Variants in LIMCH1 observed in about 807,000 individuals in gnomAD.
The protein encoded by LIMCH1 is LIM and calponin homology domains-containing protein 1.
In LIMCH1, 113 loss-of-function variants were observed where a neutral mutation model predicts 176.5. The ratio of observed to expected loss-of-function variants is 0.64; its 90% CI spans 0.55 to 0.75. The LOEUF (loss-of-function observed/expected upper bound fraction) is 0.75. Ranked by LOEUF, LIMCH1 falls within the 30% of genes least tolerant of loss-of-function variation. The pLI is 0.00. For missense variants in LIMCH1, 1,674 were observed against 1,814.9 expected (o/e 0.92, Z 1.41); for synonymous variants, 619 against 645.9 (o/e 0.96, Z 0.63).
At chr4:41,667,603 A>G (rs2152998358) in intron 21 of LIMCH1, among the ~76,000 whole-genome samples, 1 of 152,254 alleles carries the variant, frequency 6.6e-6, no homozygotes, top group African/African-American at 2.4e-5. Flanking sequence ...ACCACTGAAA[A>G]TTCCCCAAGT....
intron 3 of LIMCH1, among the ~76,000 whole-genome samples, chr4:41,527,479 G>A (rs186059532): frequency 1.2e-4 from 18 of 152,218 alleles, no homozygotes; most frequent in African/African-American, 4.3e-4. Context: ...CCACATTAAG[G>A]GACATACTGC....
intron 1 of LIMCH1, among the ~76,000 whole-genome samples, chr4:41,597,399 C>G (rs768267442): frequency 5.3e-5 from 8 of 152,186 alleles, no homozygotes; most frequent in African/African-American, 9.6e-5. Context: ...GAAAGGTTAG[C>G]AACTTATTGC....
chr4:41,478,205 G>T (rs11931854), intron 1 of LIMCH1, among the ~76,000 whole-genome samples: 60,027 of 152,068 alleles, frequency 0.39, 14,705 homozygotes, highest in African/African-American at 0.69. Flanking sequence ...GCTAATTATT[G>T]AAGGTGAACA....
intron 1 of LIMCH1, among the ~76,000 whole-genome samples, chr4:41,460,535 G>T (rs1354080304): frequency 6.9e-6 from 1 of 145,690 alleles, no homozygotes; most frequent in African/African-American, 2.6e-5. Flanking sequence ...TTTTTAAGTT[G>T]TTTGTCAGTT....
At chr4:41,385,039 T>A (rs1306615526) in intron 1 of LIMCH1, among the ~76,000 whole-genome samples, 1 of 152,202 alleles carries the variant, frequency 6.6e-6, no homozygotes, top group Non-Finnish European at 1.5e-5. Flanking sequence ...CATTTAAAAA[T>A]TGTATATTTA....
intron 1 of LIMCH1, among the ~76,000 whole-genome samples, chr4:41,577,984 C>T (rs958581979): frequency 7.9e-5 from 12 of 152,110 alleles, no homozygotes; most frequent in Non-Finnish European, 1.5e-4. Flanking sequence ...TTGTGAATGT[C>T]CATTTGTATT....
At chr4:41,515,197 G>T (rs978951026) in intron 2 of LIMCH1, among the ~76,000 whole-genome samples, 1 of 152,232 alleles carries the variant, frequency 6.6e-6, no homozygotes, top group Non-Finnish European at 1.5e-5. Context: ...AGAAAGCAGG[G>T]CTGGAGCCAG....
Position 41,650,468 on chromosome 4 carries a change from G to T in LIMCH1, c.2896G>T (p.Ala966Ser). Residue 966 changes from alanine to serine, a missense_variant, in exon 18 of 32, where the codon GCA becomes TCA. Around this residue, in one of 3 missense-constraint regions of LIMCH1, gnomAD observed 1,015 missense variants for 1,102.5 expected, o/e 0.92. Transcript: ENST00000503057. ...EEKERECPTV[A>S]PAHSLTKSQM... ...GAAGGAAAGAGAGTGTCCCACGGTG[G>T]CACCTGCCCACTCCTTAACCAAATC... is the stretch of plus-strand genomic sequence containing the variant. 1 of 1,614,000 alleles carries T rather than the reference G, an allele frequency of 6.2e-7. No individual in the cohort carries two copies. The highest frequency in any genetic ancestry group is 8.5e-7 in the Non-Finnish European group (1 of 1,179,942).
At chr4:41,546,356 C>G (rs2079393268) in intron 1 of LIMCH1, among the ~76,000 whole-genome samples, 1 of 152,054 alleles carries the variant, frequency 6.6e-6, no homozygotes, top group Non-Finnish European at 1.5e-5. Context: ...CCAGGCTGGT[C>G]TCGAATTCCT....
intron 17 of LIMCH1, among the ~76,000 whole-genome samples, chr4:41,647,951 G>A (rs1162568526): frequency 6.6e-6 from 1 of 152,182 alleles, no homozygotes; most frequent in Non-Finnish European, 1.5e-5. Flanking sequence ...CTGAGAGCCT[G>A]GCACAGGTGC....
chr4:41,478,677 T>C (rs2068102847), intron 1 of LIMCH1, among the ~76,000 whole-genome samples: 1 of 152,226 alleles, frequency 6.6e-6, no homozygotes, highest in Non-Finnish European at 1.5e-5. Context: ...TGGCAGAGCC[T>C]CTAGTTCTAG....
chr4:41,375,620 A>C (rs1479859105), intron 1 of LIMCH1, among the ~76,000 whole-genome samples: 2 of 152,202 alleles, frequency 1.3e-5, no homozygotes, highest in Non-Finnish European at 2.9e-5. Context: ...AAATAGCAAA[A>C]CCATGCAGTT....
At chr4:41,374,385 C>T (rs2154099011) in intron 1 of LIMCH1, among the ~76,000 whole-genome samples, 1 of 152,276 alleles carries the variant, frequency 6.6e-6, no homozygotes, top group African/African-American at 2.4e-5. Context: ...CCAAACCCCA[C>T]ATTCTAATGC....
intron 1 of LIMCH1, among the ~76,000 whole-genome samples, chr4:41,418,441 A>G (rs2060129354): frequency 6.6e-6 from 1 of 152,210 alleles, no homozygotes; most frequent in Non-Finnish European, 1.5e-5. Context: ...GTACAGGACT[A>G]TAAAAAAGTC....
intron 7 of LIMCH1, among the ~76,000 whole-genome samples, chr4:41,623,604 C>CA (rs2152834870): frequency 6.6e-6 from 1 of 151,904 alleles, no homozygotes; most frequent in East Asian, 1.9e-4. Context: ...CTAAAAGTAC[C>CA]AAAAAAATTA....
intron 18 of LIMCH1, among the ~76,000 whole-genome samples, chr4:41,660,069 ACTAT>A (rs1013080625): frequency 6.6e-6 from 1 of 152,112 alleles, no homozygotes; most frequent in Non-Finnish European, 1.5e-5. Flanking sequence ...GTATTTTCTT[ACTAT>A]CTTTTTTTCT....
At chr4:41,374,066 T>C (rs1219737984) in intron 1 of LIMCH1, among the ~76,000 whole-genome samples, 1 of 152,098 alleles carries the variant, frequency 6.6e-6, no homozygotes, top group East Asian at 1.9e-4. Flanking sequence ...AATTAAACCT[T>C]TTTTCTTTAT....
chr4:41,499,117 G>T (rs1374888188), intron 2 of LIMCH1, among the ~76,000 whole-genome samples: 1 of 152,142 alleles, frequency 6.6e-6, no homozygotes, highest in African/African-American at 2.4e-5. Context: ...TGCTATTTGG[G>T]TAAATTAAAT....
At chr4:41,505,149 C>G (rs550847545) in intron 2 of LIMCH1, among the ~76,000 whole-genome samples, 12 of 152,160 alleles carry the variant, frequency 7.9e-5, no homozygotes, top group Non-Finnish European at 1.5e-4. Flanking sequence ...GTCTATGTAA[C>G]AGAGAAATTA....
Sources: allele counts gnomAD v4.1 joint callset (sites outside exome capture counted in the v4.1 genomes callset), GRCh38; gene constraint gnomAD v4.1.1; regional missense constraint gnomAD v4.1.1; transcripts MANE v1.5; gene names NCBI Gene and HGNC (gene_info 2026-07-23, HGNC 2026-07-21).